The following SND1 variants were observed in gnomAD, a reference collection of about 807,000 sequenced individuals.
SND1 encodes the protein staphylococcal nuclease and tudor domain containing 1, also known as staphylococcal nuclease domain-containing protein 1.
SND1 carries 38 observed loss-of-function variants against 121.7 expected under a neutral mutation model. The ratio of observed to expected loss-of-function variants is 0.31; its 90% confidence interval spans 0.24 to 0.41. The LOEUF (loss-of-function observed/expected upper bound fraction) is 0.41, where lower values mean the gene tolerates loss of function less well. Ranked by LOEUF, SND1 falls within the 10% of genes least tolerant of loss-of-function variation. SND1 has a pLI of 1.00. For missense variants in SND1, 868 were observed against 1,184.6 expected, an observed-to-expected ratio of 0.73 and a Z score of 3.92; for synonymous variants, 401 against 447.4, an observed-to-expected ratio of 0.90 and a Z score of 1.31.
At chr7:128,056,105 T>C (rs1056254992) in intron 16 of SND1, among the ~76,000 whole-genome samples, 10 of 152,250 alleles carry the variant, frequency 6.6e-5, no homozygotes, top group African/African-American at 2.4e-4. Context: ...TAAAACAACA[T>C]GCATGTCTTT....
intron 9 of SND1, among the ~76,000 whole-genome samples, chr7:127,714,018 T>A (rs1796341473): frequency 6.6e-6 from 1 of 151,906 alleles, no homozygotes. Flanking sequence ...TGGCTTGGCT[T>A]CCCTGTTCCT....
chr7:127,711,111 A>G (rs572719534), intron 9 of SND1, among the ~76,000 whole-genome samples: 24 of 152,162 alleles, frequency 1.6e-4, no homozygotes, highest in Non-Finnish European at 3.2e-4. Context: ...ACCTGCATCA[A>G]TCTGGACTGG....
At chr7:128,079,943 G>A (rs1793569153) in intron 17 of SND1, among the ~76,000 whole-genome samples, 1 of 152,192 alleles carries the variant, frequency 6.6e-6, no homozygotes, top group South Asian at 2.1e-4. Flanking sequence ...CCCTGGAAGA[G>A]CTGTAGTGCC....
chr7:127,831,902 A>C (rs1265687271), intron 11 of SND1, among the ~76,000 whole-genome samples: 1 of 135,716 alleles, frequency 7.4e-6, no homozygotes, highest in Admixed American at 7.2e-5. Flanking sequence ...GTACCTTATA[A>C]TTGCACCTTT....
chr7:127,721,750 G>A (rs767562185), intron 10 of SND1, among the ~76,000 whole-genome samples: 8 of 152,150 alleles, frequency 5.3e-5, no homozygotes, highest in Non-Finnish European at 8.8e-5. Flanking sequence ...TCTGTATCTC[G>A]TGTACATTGT....
chr7:127,929,167 T>A (rs1163565147), intron 14 of SND1, 21 bp from the exon 15 acceptor site: 1 of 1,612,676 alleles, frequency 6.2e-7, no homozygotes, highest in Admixed American at 1.7e-5. Flanking sequence ...CCAGTTACTC[T>A]TTTCCTCTTT....
chr7:127,912,641 A>G (rs546183402), intron 14 of SND1, among the ~76,000 whole-genome samples: 6 of 152,242 alleles, frequency 3.9e-5, no homozygotes, highest in African/African-American at 1.4e-4. Context: ...TCCCTCATTA[A>G]TTAGTGGGGT....
chr7:128,038,549 T>G (rs181081637), intron 16 of SND1, among the ~76,000 whole-genome samples: 1 of 152,258 alleles, frequency 6.6e-6, no homozygotes, highest in African/African-American at 2.4e-5. Context: ...AGAGGCTGTC[T>G]TGTTCAAAGT....
At chr7:127,738,382 G>C (rs930455076) in intron 10 of SND1, among the ~76,000 whole-genome samples, 1 of 147,724 alleles carries the variant, frequency 6.8e-6, no homozygotes, top group African/African-American at 2.5e-5. Flanking sequence ...AGGTTCAATC[G>C]ATTCTCTTGC....
intron 10 of SND1, among the ~76,000 whole-genome samples, chr7:127,792,698 C>T (rs1797933270): frequency 6.6e-6 from 1 of 152,202 alleles, no homozygotes; most frequent in South Asian, 2.1e-4. Flanking sequence ...AGGACTGGGA[C>T]TCCAAGGTCT....
intron 16 of SND1, among the ~76,000 whole-genome samples, chr7:128,047,412 C>G (rs1226754307): frequency 2.0e-5 from 3 of 152,248 alleles, no homozygotes; most frequent in Non-Finnish European, 4.4e-5. Context: ...TAGCCAAATC[C>G]AGGTACCACT....
At chr7:128,059,722 TTGTC>T (rs1313621528) in intron 16 of SND1, among the ~76,000 whole-genome samples, 1 of 152,206 alleles carries the variant, frequency 6.6e-6, no homozygotes, top group Non-Finnish European at 1.5e-5. Context: ...TTTCTGCTGT[TTGTC>T]TGGCCTTGGA....
At chr7:128,030,856 C>CG (rs1792569938) in intron 16 of SND1, 1 of 532,894 alleles carries the variant, frequency 1.9e-6, no homozygotes, top group Non-Finnish European at 3.3e-6. Flanking sequence ...GCAAGCCCTC[C>CG]GAAAGCTACG....
Position 127,686,705 on chromosome 7 carries a change from A to G in SND1, c.171A>G (p.Gly57=). The G allele has an allele frequency of 6.2e-7, 1 of 1,614,138 alleles. No individual in the cohort carries two copies. Among genetic ancestry groups the G allele is most frequent in the South Asian group, 1.1e-5 (1 of 91,078 alleles). ...RQINLSNIRA[G]NLARRAAATQ... Reference sequence around the variant, plus strand: ...TCAACCTCAGCAACATTCGTGCTGGAAATCTTGCTCGCCGGGCAGCCGCCA... The same window carrying G: ...TCAACCTCAGCAACATTCGTGCTGGGAATCTTGCTCGCCGGGCAGCCGCCA... The change falls in exon 2 of 24, where the codon GGA becomes GGG. Residue 57 remains glycine, a synonymous_variant. Coordinates refer to ENST00000354725, the MANE Select transcript of SND1 (RefSeq NM_014390.4).
At chr7:128,075,389 G>T (rs1195288920) in intron 17 of SND1, among the ~76,000 whole-genome samples, 1 of 152,206 alleles carries the variant, frequency 6.6e-6, no homozygotes, top group Non-Finnish European at 1.5e-5. Flanking sequence ...TGGGACAGCC[G>T]TGCTGAGCTA....
At chr7:127,877,256 G>C (rs1799709148) in intron 12 of SND1, among the ~76,000 whole-genome samples, 1 of 152,156 alleles carries the variant, frequency 6.6e-6, no homozygotes, top group African/African-American at 2.4e-5. Flanking sequence ...ATAACTATTT[G>C]ATATAACTGT....
At chr7:128,080,998 T>C (rs902243010) in intron 17 of SND1, among the ~76,000 whole-genome samples, 3 of 151,922 alleles carry the variant, frequency 2.0e-5, no homozygotes, top group African/African-American at 7.3e-5. Flanking sequence ...CAGTGTCTTT[T>C]TTTTTTCTTC....
At chr7:127,844,913 A>G (rs1405347965) in intron 12 of SND1, among the ~76,000 whole-genome samples, 2 of 152,212 alleles carry the variant, frequency 1.3e-5, no homozygotes, top group African/African-American at 4.8e-5. Flanking sequence ...GTTGGCAGCC[A>G]GGCTGAGGAA....
At chr7:127,909,183 A>G (rs1246116793) in intron 14 of SND1, among the ~76,000 whole-genome samples, 1 of 152,150 alleles carries the variant, frequency 6.6e-6, no homozygotes, top group African/African-American at 2.4e-5. Context: ...CTTCAGTCTT[A>G]TTTCTGAAAG....
Sources: allele counts gnomAD v4.1 joint callset (sites outside exome capture counted in the v4.1 genomes callset), GRCh38; gene constraint gnomAD v4.1.1; transcripts MANE v1.5; gene names NCBI Gene and HGNC (gene_info 2026-07-23, HGNC 2026-07-21).